The following FAT4 variants were observed in gnomAD, a reference collection of about 807,000 sequenced individuals.
FAT4 encodes FAT atypical cadherin 4.
Under a neutral mutation model 303.9 loss-of-function variants are expected in FAT4, and 84 were observed. That is an observed-to-expected ratio of 0.28 (90% confidence interval 0.23 to 0.33). FAT4 has a LOEUF of 0.33. FAT4 is among the 10% of genes least tolerant of loss of function. FAT4 has a pLI of 1.00. For missense variants in FAT4, 6,005 were observed against 6,146.8 expected (o/e 0.98, Z 0.77); for synonymous variants, 2,307 against 2,298.8 (o/e 1.00, Z -0.10).
chr4:125,365,026 G>A (rs1300412622), intron 2 of FAT4, among the ~76,000 whole-genome samples: 1 of 152,132 alleles, frequency 6.6e-6, no homozygotes, highest in Non-Finnish European at 1.5e-5. Flanking sequence ...TGCATTGAGT[G>A]GAGATGTGTT....
At chr4:125,396,095 C>A (rs1449233760) in intron 2 of FAT4, among the ~76,000 whole-genome samples, 1 of 151,996 alleles carries the variant, frequency 6.6e-6, no homozygotes, top group Non-Finnish European at 1.5e-5. Flanking sequence ...AAACATGATT[C>A]ATTATGTTTT....
chr4:125,481,602 A>G lies in FAT4; in HGVS notation c.12686A>G (p.Tyr4229Cys). 3 of 1,614,026 alleles carry G rather than the reference A, an allele frequency of 1.9e-6. No homozygotes were observed. Among genetic ancestry groups the G allele is most frequent in the Non-Finnish European group, 2.5e-6 (3 of 1,179,940 alleles). ...ATGAGTCAGAATGAGAAGCGGGAAT[A>G]TTTGTTAAGGCAAAGCTTACGAGGT... ...YHMSQNEKRE[Y>C]LLRQSLRGAM... The change falls in exon 16 of 18, where the codon TAT (tyrosine) becomes TGT (cysteine). Residue 4229 changes from tyrosine to cysteine, a missense_variant. Coordinates refer to ENST00000394329, the MANE Select transcript of FAT4 (RefSeq NM_001291303.3).
chr4:125,321,146 C>T lies in FAT4; in HGVS notation c.4735C>T (p.Arg1579Cys), dbSNP rs372570229. Reference protein sequence around the residue: ...NGDTDTFIVDRYSGDLRVASA... With the variant: ...NGDTDTFIVDCYSGDLRVASA... ...GGACACAGACACCTTCATTGTTGAT[C>T]GTTATAGTGGAGACCTGAGAGTGGC... Residue 1579 changes from arginine (R) to cysteine (C), a missense_variant, in exon 2 of 18, where the codon CGT becomes TGT. Coordinates refer to ENST00000394329, the MANE Select transcript of FAT4 (RefSeq NM_001291303.3). 82 of 1,614,082 alleles carry T rather than the reference C, an allele frequency of 5.1e-5. No homozygotes were observed. Among genetic ancestry groups the T allele is most frequent in the Non-Finnish European group, 6.6e-5 (78 of 1,179,958 alleles).
Position 125,317,449 on chromosome 4 carries a change from G to A in FAT4, c.1038G>A (p.Val346=). ...RAEALIQLLD[V]NDNDPVVKFR... is the part of the protein sequence containing the mutation. Reference sequence around the variant, plus strand: ...AGGCGCTGATTCAGCTGCTGGACGTGAATGACAATGACCCGGTAGTGAAGT... The same window carrying A: ...AGGCGCTGATTCAGCTGCTGGACGTAAATGACAATGACCCGGTAGTGAAGT... Residue 346 remains valine (V), a synonymous_variant, in exon 2 of 18, where the codon GTG becomes GTA. Transcript: ENST00000394329. This position sits in a 1 kb window ranked among gnomAD's most constrained non-coding sequence, Gnocchi z 7.0. The A allele has an allele frequency of 1.9e-6, 3 of 1,613,668 alleles. No individual in the cohort carries two copies. The highest frequency in any genetic ancestry group is 1.7e-6 in the Non-Finnish European group (2 of 1,180,056).
rs2126060103 is a variant in FAT4, at chr4:125,450,898, T to C, written c.9888T>C (p.Tyr3296=). Residue 3296 remains tyrosine (Y), a synonymous_variant, in exon 10 of 18, where the codon TAT becomes TAC. Transcript: ENST00000394329. The stretch of plus-strand genomic sequence containing the variant: ...TACAATTAAAAGGGACAAATGAATA[T>C]GTGCCCCGTTTTGTTTCCAAACTTT... ...VNIQLKGTNE[Y]VPRFVSKLYY... 2 of 1,614,168 alleles carry C rather than the reference T, an allele frequency of 1.2e-6. No homozygotes were observed. The highest frequency in any genetic ancestry group is 1.7e-6 in the Non-Finnish European group (2 of 1,180,022).
intron 2 of FAT4, among the ~76,000 whole-genome samples, chr4:125,350,708 C>T (rs1288208848): frequency 2.6e-5 from 4 of 151,594 alleles, no homozygotes; most frequent in Non-Finnish European, 5.9e-5. Flanking sequence ...TGGTTACTGG[C>T]GGTCATCCAT....
intron 6 of FAT4, 43 bp from the exon 7 acceptor site, chr4:125,416,405 C>T: frequency 2.0e-6 from 3 of 1,481,918 alleles, no homozygotes; most frequent in South Asian, 1.3e-5. Flanking sequence ...TCATGAGATG[C>T]ATTGTTTGTT....
chr4:125,414,467 TAGA>T (rs1383972011), intron 5 of FAT4, among the ~76,000 whole-genome samples: 2 of 152,120 alleles, frequency 1.3e-5, no homozygotes, highest in African/African-American at 4.8e-5. Flanking sequence ...ACACGAAATA[TAGA>T]AGTACACTTA....
intron 2 of FAT4, among the ~76,000 whole-genome samples, chr4:125,326,566 T>C (rs552067261): frequency 1.3e-5 from 2 of 152,246 alleles, no homozygotes; most frequent in African/African-American, 4.8e-5. Flanking sequence ...TTCATATAGA[T>C]AGAAAGAAAA....
Position 125,451,551 on chromosome 4 carries a change from T to A in FAT4, c.10541T>A (p.Val3514Asp), listed in dbSNP as rs1726073745. 2.5e-6 allele frequency: 4 copies of A among 1,614,158 alleles called. No individual in the cohort carries two copies. The highest frequency in any genetic ancestry group is 2.5e-6 in the Non-Finnish European group (3 of 1,180,020). The change falls in exon 10 of 18, where the codon GTC (valine) becomes GAC (aspartate). Residue 3514 changes from valine to aspartate, a missense_variant. Physicochemically the swap from Val to Asp is radical, Grantham distance 152. Transcript: ENST00000394329. ...AATGATAACGGGCCCATGCTGACTG[T>A]CAGTGAAGGAGAAGTCATGGAAAAC... ...DINDNGPMLT[V>D]SEGEVMENKR...
chr4:125,451,892 A>C lies in FAT4; in HGVS notation c.10882A>C (p.Asn3628His), dbSNP rs374041907. 3.2e-5 allele frequency: 51 copies of C among 1,613,960 alleles called. No individual in the cohort carries two copies. The highest frequency in any genetic ancestry group is 4.0e-5 in the Non-Finnish European group (47 of 1,180,016). The change falls in exon 10 of 18, where the codon AAC becomes CAC. Residue 3628 changes from asparagine (N) to histidine (H), a missense_variant. Transcript: ENST00000394329. ...GGAGATATTTGTTAATTATTATGGT[A>C]ACTTGTTTCCCGGTGGGATTTTAGG... ...TVEIFVNYYGNLFPGGILGSV... is the reference protein window; with the variant it reads ...TVEIFVNYYGHLFPGGILGSV...
chr4:125,477,256 G>A lies in FAT4; in HGVS notation c.12401G>A (p.Gly4134Glu). 1 of 1,563,642 alleles carries A rather than the reference G, an allele frequency of 6.4e-7. No individual in the cohort carries two copies. The change falls in exon 14 of 18, where the codon GGG (glycine) becomes GAG (glutamate). Residue 4134 changes from glycine to glutamate, a missense_variant. Coordinates refer to ENST00000394329, the MANE Select transcript of FAT4 (RefSeq NM_001291303.3). ...RGHVESHDFV[G>E]CIMEFAVNGR... The stretch of plus-strand genomic sequence containing the variant: ...CACGTGGAAAGCCATGATTTTGTTG[G>A]GTGTATAATGGAGTTTGCAGTCAAT...
intron 2 of FAT4, among the ~76,000 whole-genome samples, chr4:125,379,997 G>T (rs991676061): frequency 6.6e-6 from 1 of 151,882 alleles, no homozygotes; most frequent in Non-Finnish European, 1.5e-5. Context: ...GAGTTCAAGT[G>T]ATTCTCCTGC....
At chr4:125,370,656 A>G (rs574222666) in intron 2 of FAT4, among the ~76,000 whole-genome samples, 1 of 152,314 alleles carries the variant, frequency 6.6e-6, no homozygotes, top group African/African-American at 2.4e-5. Flanking sequence ...ATAATATTCA[A>G]ATTGTGTAAG....
chr4:125,434,314 C>G lies in FAT4; in HGVS notation c.7088C>G (p.Thr2363Arg). The change falls in exon 8 of 18, where the codon ACA (threonine) becomes AGA (arginine). Residue 2363 changes from threonine (T) to arginine (R), a missense_variant. Transcript: ENST00000394329. ...IVDDVNDNVP[T>R]FASKAYFTTI... Reference sequence around the variant, plus strand: ...GATGATGTCAATGACAATGTCCCCACATTTGCCAGTAAAGCGTATTTCACA... The same window carrying G: ...GATGATGTCAATGACAATGTCCCCAGATTTGCCAGTAAAGCGTATTTCACA... The G allele has an allele frequency of 6.2e-7, 1 of 1,614,034 alleles. No homozygotes were observed. The highest frequency in any genetic ancestry group is 8.5e-7 in the Non-Finnish European group (1 of 1,179,940).
chr4:125,451,575 A>T lies in FAT4; in HGVS notation c.10565A>T (p.Asn3522Ile), dbSNP rs1560617095. ...GTCAGTGAAGGAGAAGTCATGGAAA[A>T]CAAACGGCCAGGCACTTTGGTGATG... ...LTVSEGEVME[N>I]KRPGTLVMTL... Residue 3522 changes from asparagine to isoleucine, a missense_variant, in exon 10 of 18, where the codon AAC becomes ATC. By Grantham distance (149) the Asn-to-Ile change is moderately radical. Transcript: ENST00000394329. 6.2e-7 allele frequency: 1 copy of T among 1,614,160 alleles called. No homozygotes were observed. The highest frequency in any genetic ancestry group is 8.5e-7 in the Non-Finnish European group (1 of 1,180,012).
chr4:125,460,919 A>T, intron 10 of FAT4, among the ~76,000 whole-genome samples: 1 of 152,068 alleles, frequency 6.6e-6, no homozygotes, highest in East Asian at 1.9e-4. Context: ...TTATTTTTAA[A>T]CTGAAATACT....
chr4:125,485,722 C>T (rs1369978987), intron 16 of FAT4, among the ~76,000 whole-genome samples: 1 of 152,158 alleles, frequency 6.6e-6, no homozygotes. Flanking sequence ...GCATAAACCA[C>T]TAATATAGTC....
intron 7 of FAT4, among the ~76,000 whole-genome samples, chr4:125,416,985 A>C (rs1735101972): frequency 6.6e-6 from 1 of 152,142 alleles, no homozygotes; most frequent in South Asian, 2.1e-4. Context: ...ATTTCTTCAT[A>C]ATATGAGTAT....
Sources: gnomAD v4.1 joint callset for allele counts (sites outside exome capture counted in the v4.1 genomes callset) on GRCh38, gnomAD v4.1.1 for gene constraint, Gnocchi (gnomAD v3.1) non-coding constraint, MANE v1.5 for transcripts, NCBI Gene and HGNC (gene_info 2026-07-23, HGNC 2026-07-21) for gene names.